NBEAL1: variants seen among roughly 807,000 people sequenced by gnomAD.
NBEAL1 encodes neurobeachin-like protein 1.
NBEAL1 carries 273 observed loss-of-function variants against 351.3 expected under a neutral mutation model. That is an observed-to-expected ratio of 0.78 (90% confidence interval 0.70 to 0.86). NBEAL1 has a LOEUF of 0.86. Ranked by LOEUF, NBEAL1 falls within the 40% of genes least tolerant of loss-of-function variation. The probability of loss-of-function intolerance (pLI) is 0.00; values close to 1 mark genes in which losing one functional copy is unlikely to be tolerated. For synonymous variants in NBEAL1, 1,050 were observed against 1,086.4 expected, an observed-to-expected ratio of 0.97 and a Z score of 0.66; for missense variants, 2,961 against 3,201.3, an observed-to-expected ratio of 0.92 and a Z score of 1.81.
chr2:203,016,862 C>T (rs1404920389), intron 2 of NBEAL1, among the ~76,000 whole-genome samples: 3 of 152,262 alleles, frequency 2.0e-5, no homozygotes, highest in East Asian at 3.9e-4. Context: ...GATTGAACTG[C>T]GTGCTGTGTG....
intron 8 of NBEAL1, 130 bp from the exon 9 acceptor site, chr2:203,083,089 T>C: frequency 4.1e-6 from 3 of 740,308 alleles, no homozygotes; most frequent in South Asian, 1.9e-5. Flanking sequence ...GCTATCAGAG[T>C]ATCTGTTACA....
chr2:203,090,668 C>T (rs1187797793), intron 10 of NBEAL1, among the ~76,000 whole-genome samples: 1 of 152,052 alleles, frequency 6.6e-6, no homozygotes, highest in African/African-American at 2.4e-5. Context: ...GTGGGCAGAT[C>T]ACTTGAGTTC....
intron 14 of NBEAL1, 49 bp from the exon 15 acceptor site, chr2:203,110,101 A>C: frequency 7.3e-6 from 11 of 1,508,134 alleles, no homozygotes; most frequent in African/African-American, 5.6e-5. Flanking sequence ...AATGATGATG[A>C]AACTGAACAA....
At chr2:203,157,963 A>G (rs192307402) in intron 36 of NBEAL1, 138 bp downstream of exon 36, 14 of 622,522 alleles carry the variant, frequency 2.2e-5, no homozygotes, top group Admixed American at 4.0e-5. Context: ...GGATTTTATC[A>G]GTATTAACTG....
At chr2:203,141,386 T>A (rs866946473) in intron 31 of NBEAL1, among the ~76,000 whole-genome samples, 4 of 99,006 alleles carry the variant, frequency 4.0e-5, no homozygotes, top group African/African-American at 1.1e-4. Flanking sequence ...TTTTTTTTTT[T>A]TTTTTTTTTT....
chr2:203,212,677 T>A (rs1273566306), intron 54 of NBEAL1, among the ~76,000 whole-genome samples: 1 of 151,578 alleles, frequency 6.6e-6, no homozygotes, highest in African/African-American at 2.4e-5. Context: ...GTTTAAGAGC[T>A]AAATTATATG....
At chr2:203,014,629 G>T (rs1396727247), upstream of NBEAL1, 1 of 152,294 alleles carries the variant, frequency 6.6e-6, no homozygotes, top group Non-Finnish European at 1.5e-5. Flanking sequence ...ATGTCCAGCT[G>T]AGGGAAGGCT....
chr2:203,207,325 C>T (rs1341629607), intron 51 of NBEAL1, among the ~76,000 whole-genome samples: 4 of 148,930 alleles, frequency 2.7e-5, no homozygotes, highest in South Asian at 2.2e-4. Flanking sequence ...CCGCCCCCTC[C>T]GGGAGGTGAG....
chr2:203,195,667 G>A (rs2065220959), intron 47 of NBEAL1, among the ~76,000 whole-genome samples: 1 of 152,148 alleles, frequency 6.6e-6, no homozygotes, highest in Non-Finnish European at 1.5e-5. Context: ...TGCAGTCCAG[G>A]GGAAGCCAGG....
chr2:203,202,899 C>A (rs2105817258), intron 51 of NBEAL1, 118 bp downstream of exon 51: 1 of 639,282 alleles, frequency 1.6e-6, no homozygotes. Flanking sequence ...CCTTTGTATT[C>A]TTTTTACCCA....
In NBEAL1 at chr2:203,105,464, C is replaced by CA. The variant is rs568007268; in HGVS notation, c.1270-1944dup. Among the ~76,000 whole-genome samples the CA allele has an allele frequency of 9.6e-3, 1,329 of 137,984 alleles. 11 individuals carry two copies. The highest frequency in any genetic ancestry group is 0.018 in the South Asian group (80 of 4,390). The allele number at this position is 137,984 out of a possible 152,430, so 90.5% of individuals were successfully genotyped here. A position where few individuals can be genotyped will look rare whatever the true frequency, so the allele number is the denominator to read the frequency against. The stretch of plus-strand genomic sequence containing the variant: ...TGGGTGACAGAGCGAGACTCCATCT[C>CA]AAAAAAAAAAAAGAAAGCTGAATAT... On this transcript the variant is annotated intron_variant, in intron 12 of 55. Transcript: ENST00000683969.
chr2:203,214,920 A>C (rs2065872732), intron 55 of NBEAL1, among the ~76,000 whole-genome samples: 2 of 152,232 alleles, frequency 1.3e-5, no homozygotes, highest in Non-Finnish European at 2.9e-5. Context: ...ATTAGAGTGA[A>C]AATCATATGT....
chr2:203,160,885 G>A (rs2063935119), intron 36 of NBEAL1, among the ~76,000 whole-genome samples: 1 of 152,164 alleles, frequency 6.6e-6, no homozygotes, highest in Non-Finnish European at 1.5e-5. Flanking sequence ...TCATTGGTTA[G>A]AGGTTGTGTT....
At chr2:203,085,576 C>T (rs2061948264) in intron 10 of NBEAL1, 1 of 152,096 alleles carries the variant, frequency 6.6e-6, no homozygotes, top group Admixed American at 6.6e-5. Context: ...GCCATTATTC[C>T]TAACTTTTAC....
chr2:203,214,828 T>C (rs972858127), intron 55 of NBEAL1, among the ~76,000 whole-genome samples: 1 of 152,236 alleles, frequency 6.6e-6, no homozygotes, highest in African/African-American at 2.4e-5. Flanking sequence ...ATATTTCTAT[T>C]TCAAGATCTA....
chr2:203,086,048 G>T (rs1427035925), intron 10 of NBEAL1: 1 of 152,130 alleles, frequency 6.6e-6, no homozygotes, highest in African/African-American at 2.4e-5. Context: ...TTCTGCAGTT[G>T]TTCAGAGGCT....
rs1346544081 is a variant in NBEAL1, at chr2:203,188,553, G to A, written c.6787G>A (p.Glu2263Lys). ...TAAACAGAGGGGACCAGCTGCAGTA[G>A]AGGCACTCAACGTTTTCTATTATTG... ...GYKQRGPAAV[E>K]ALNVFYYCSY... The change falls in exon 45 of 56, where the codon GAG (glutamate) becomes AAG (lysine). Residue 2263 changes from glutamate (E) to lysine (K), a missense_variant. Glu to Lys is a moderately conservative substitution (Grantham distance 56). Coordinates refer to ENST00000683969, the MANE Select transcript of NBEAL1 (RefSeq NM_001378026.1). The A allele has an allele frequency of 1.2e-6, 2 of 1,608,634 alleles. No individual in the cohort carries two copies. Among genetic ancestry groups the A allele is most frequent in the Admixed American group, 3.4e-5 (2 of 59,190 alleles).
chr2:203,170,393 A>ATTATTATTATTATTATTTTTT (rs1219170134), intron 39 of NBEAL1, among the ~76,000 whole-genome samples: 2 of 152,062 alleles, frequency 1.3e-5, no homozygotes, highest in African/African-American at 2.4e-5. Flanking sequence ...AATAATAATA[A>ATTATTATTATTATTATTTTTT]CATGGGTTTT....
chr2:203,193,579 A>G (rs1448798219), intron 46 of NBEAL1, among the ~76,000 whole-genome samples: 3 of 152,172 alleles, frequency 2.0e-5, no homozygotes, highest in African/African-American at 7.2e-5. Context: ...TTTAGGAGAG[A>G]TATCAGTAAG....
Sources: gnomAD v4.1 joint callset for allele counts (sites outside exome capture counted in the v4.1 genomes callset) on GRCh38, gnomAD v4.1.1 for gene constraint, MANE v1.5 for transcripts, NCBI Gene and HGNC (gene_info 2026-07-23, HGNC 2026-07-21) for gene names.